The following UBLCP1 variants were observed in gnomAD, a reference collection of about 807,000 sequenced individuals.
UBLCP1 encodes the protein ubiquitin-like domain-containing CTD phosphatase 1.
In UBLCP1, 28 loss-of-function variants were observed where a neutral mutation model predicts 42.4. That is an observed-to-expected ratio of 0.66 (90% CI 0.49 to 0.90). The LOEUF is 0.90. Among genes scored for constraint, UBLCP1 ranks in the 40% least tolerant of loss-of-function variants. The pLI is 0.00. For synonymous variants in UBLCP1, 122 were observed against 120.8 expected (o/e 1.01, Z -0.07); for missense variants, 279 against 374.5 (o/e 0.75, Z 2.10).
intron 8 of UBLCP1, among the ~76,000 whole-genome samples, chr5:159,277,279 G>A (rs1257712873): frequency 6.6e-6 from 1 of 151,762 alleles, no homozygotes; most frequent in African/African-American, 2.4e-5. Context: ...AACATTTTTT[G>A]TAATAGGCAA....
chr5:159,268,834 C>A lies in UBLCP1; in HGVS notation c.-46-36C>A, dbSNP rs140117226. ...AAAGTTTGGCTTCAATAAACAGTAT[C>A]TATTTTAACTTGTTCATTTTTGTCT... is the stretch of plus-strand genomic sequence containing the variant. On this transcript the variant is annotated intron_variant, in intron 1 of 10. Transcript: ENST00000296786. The A allele has an allele frequency of 1.1e-3, 1,551 of 1,451,852 alleles. 15 individuals carry two copies. In the African/African-American group the frequency reaches 0.019, roughly 18 times the overall value. The allele number at this position is 1,451,852 out of a possible 1,614,324, so 89.9% of individuals were successfully genotyped here.
At chr5:159,264,984 T>C (rs1584736195) in intron 1 of UBLCP1, among the ~76,000 whole-genome samples, 1 of 152,226 alleles carries the variant, frequency 6.6e-6, no homozygotes, top group Non-Finnish European at 1.5e-5. Flanking sequence ...ATATTTAAAC[T>C]GTATTTCAGT....
At chr5:159,272,173 A>G in intron 6 of UBLCP1, 52 bp downstream of exon 6, 1 of 1,401,706 alleles carries the variant, frequency 7.1e-7, no homozygotes, top group Non-Finnish European at 1.0e-6. Flanking sequence ...TGTTCCATAT[A>G]TTATTGTGCT....
intron 2 of UBLCP1, 138 bp downstream of exon 2, chr5:159,269,207 C>A: frequency 1.7e-6 from 1 of 590,450 alleles, no homozygotes; most frequent in Non-Finnish European, 2.6e-6. Flanking sequence ...CGAGATTTCT[C>A]TGGTAGAAAT....
chr5:159,284,225 G>A (rs1224634509), intron 10 of UBLCP1, among the ~76,000 whole-genome samples: 1 of 152,160 alleles, frequency 6.6e-6, no homozygotes, highest in African/African-American at 2.4e-5. Flanking sequence ...ACTTAGTGCA[G>A]TGCCACAAAG....
At chr5:159,271,923 A>G (rs1474608465) in intron 5 of UBLCP1, 100 bp from the exon 6 acceptor site, 1 of 769,954 alleles carries the variant, frequency 1.3e-6, no homozygotes, top group East Asian at 2.7e-5. Flanking sequence ...TGAAATGTTT[A>G]TGTTTGCATT....
chr5:159,270,558 A>G lies in UBLCP1; in HGVS notation c.363A>G (p.Arg121=), dbSNP rs1255457376. The change falls in exon 5 of 11, where the codon AGA becomes AGG. Residue 121 remains arginine (R), a synonymous_variant. Transcript: ENST00000296786. ...REENLLKISR[R]VKEYKVEILN... The stretch of plus-strand genomic sequence containing the variant: ...AAAACCTACTGAAAATTTCTCGCAG[A>G]GTGAAAGAGTACAAAGTGGAAATTT... 6.2e-7 allele frequency: 1 copy of G among 1,611,254 alleles called. No homozygotes were observed. The highest frequency in any genetic ancestry group is 2.2e-5 in the East Asian group (1 of 44,752).
Position 159,270,451 on chromosome 5 carries a change from T to A in UBLCP1, c.332+6T>A. 1 of 1,612,120 alleles carries A rather than the reference T, an allele frequency of 6.2e-7. No individual in the cohort carries two copies. The highest frequency in any genetic ancestry group is 8.5e-7 in the Non-Finnish European group (1 of 1,178,566). Reference sequence around the variant, plus strand: ...GTAGTTGAAGTAGAAAATAGGTAAGTGCTTTTCGCTTTAGAAGTAATCAGT... The same window carrying A: ...GTAGTTGAAGTAGAAAATAGGTAAGAGCTTTTCGCTTTAGAAGTAATCAGT... On this transcript the variant is annotated splice_donor_region_variant and intron_variant, in intron 4 of 10. Transcript: ENST00000296786.
chr5:159,285,196 CCACACACACACACA>C lies in UBLCP1; in HGVS notation c.*300_*313del, dbSNP rs70987962. ...GGTTACTGACCACCCCACCCTCCCA[CCACACACACACACA>C]CACACACACACACACACACACACAC... On this transcript the variant is annotated 3_prime_UTR_variant, in exon 11 of 11. Coordinates refer to ENST00000296786, the MANE Select transcript of UBLCP1 (RefSeq NM_145049.5). 5.5e-3 allele frequency: 1,398 copies of C among 251,914 alleles called. 14 individuals are homozygous for C. The highest frequency in any genetic ancestry group is 0.028 in the African/African-American group (846 of 30,738). 15.6% of individuals were successfully genotyped at this position (251,914 alleles called of 1,614,324 possible).
At chr5:159,277,195 T>C (rs889020502) in intron 8 of UBLCP1, among the ~76,000 whole-genome samples, 5 of 152,030 alleles carry the variant, frequency 3.3e-5, no homozygotes, top group African/African-American at 1.2e-4. Flanking sequence ...GCGGTTTCTA[T>C]TTCGGTAGTA....
chr5:159,281,238 G>A (rs1753602102), intron 9 of UBLCP1, among the ~76,000 whole-genome samples: 1 of 152,186 alleles, frequency 6.6e-6, no homozygotes. Context: ...GTAATTTCCT[G>A]CTGTTTAAAT....
rs1253551658 is a variant in UBLCP1 at position 159,275,222 on chromosome 5, T to C, written c.660T>C (p.His220=). 1.2e-6 allele frequency: 2 copies of C among 1,612,796 alleles called. No individual in the cohort carries two copies. The highest frequency in any genetic ancestry group is 2.7e-5 in the African/African-American group (2 of 74,888). Residue 220 remains histidine (H), a synonymous_variant, in exon 8 of 11, where the codon CAT becomes CAC. Transcript: ENST00000296786. ...MLDSAAMITV[H]TPRRGLIDVK... ...ATAGTGCTGCTATGATAACAGTACA[T>C]ACTCCAAGGAGAGGATTAATAGACG...
At chr5:159,265,406 A>G (rs1238203087) in intron 1 of UBLCP1, among the ~76,000 whole-genome samples, 1 of 152,244 alleles carries the variant, frequency 6.6e-6, no homozygotes, top group African/African-American at 2.4e-5. Context: ...GAGTTTAATG[A>G]AAAATAGAAA....
chr5:159,272,486 TCAAG>T lies in UBLCP1; in HGVS notation c.547+366_547+369del, dbSNP rs781534560. Among the ~76,000 whole-genome samples the T allele has an allele frequency of 1.1e-4, 16 of 152,144 alleles. No individual in the cohort carries two copies. The South Asian group carries it at 1.5e-3, about 14-fold the overall frequency. On this transcript the variant is annotated intron_variant, in intron 6 of 10. Transcript: ENST00000296786. ...CCAGACTGGTTTTGAACTCCTGGGCTCAAGTGATCCTCCTGCCTTGGCCTCCCAA... is the reference window on the plus strand; with the variant it reads ...CCAGACTGGTTTTGAACTCCTGGGCTTGATCCTCCTGCCTTGGCCTCCCAA...
chr5:159,267,705 G>C (rs1040184169), intron 1 of UBLCP1, among the ~76,000 whole-genome samples: 2 of 152,294 alleles, frequency 1.3e-5, no homozygotes, highest in East Asian at 1.9e-4. Flanking sequence ...TTGAATCTTG[G>C]GGGGTGGTCT....
chr5:159,283,340 G>T lies in UBLCP1; in HGVS notation c.929+1G>T. 6.3e-7 allele frequency: 1 copy of T among 1,575,098 alleles called. No individual in the cohort carries two copies. The highest frequency in any genetic ancestry group is 8.6e-7 in the Non-Finnish European group (1 of 1,165,392). ...ATCTAAATCACAAATATTGGGAAAG[G>T]TAAGTTTTAATTGCTTATTTATTTT... On this transcript the variant is annotated splice_donor_variant, in intron 10 of 10. Coordinates refer to ENST00000296786, the MANE Select transcript of UBLCP1 (RefSeq NM_145049.5). LOFTEE classifies it high-confidence loss of function.
intron 6 of UBLCP1, among the ~76,000 whole-genome samples, chr5:159,273,003 C>A (rs1753489746): frequency 6.6e-6 from 1 of 152,172 alleles, no homozygotes; most frequent in Non-Finnish European, 1.5e-5. Flanking sequence ...GAAGTCCCAT[C>A]AAGTAAAGGT....
rs1378813799 is a variant in UBLCP1 at position 159,285,164 on chromosome 5, C to CA, written c.*234dup. The CA allele has an allele frequency of 1.2e-5, 5 of 426,828 alleles. No homozygotes were observed. Among genetic ancestry groups the CA allele is most frequent in the Non-Finnish European group, 2.2e-5 (5 of 232,336 alleles). 26.4% of individuals were successfully genotyped at this position (426,828 alleles called of 1,614,324 possible). A position where few individuals can be genotyped will look rare whatever the true frequency, so the allele number is the denominator to read the frequency against. On this transcript the variant is annotated 3_prime_UTR_variant, in exon 11 of 11. Transcript: ENST00000296786. The stretch of plus-strand genomic sequence containing the variant: ...TGTTACGCTTGAAAAATATTTTCTC[C>CA]AGCGTTGGTTACTGACCACCCCACC...
chr5:159,279,297 C>G (rs897992903), intron 9 of UBLCP1, among the ~76,000 whole-genome samples: 1 of 152,188 alleles, frequency 6.6e-6, no homozygotes, highest in Non-Finnish European at 1.5e-5. Context: ...TGCATGCAGT[C>G]TTATGTGACA....
Sources: gnomAD v4.1 joint callset for allele counts (sites outside exome capture counted in the v4.1 genomes callset) on GRCh38, gnomAD v4.1.1 for gene constraint, MANE v1.5 for transcripts, NCBI Gene and HGNC (gene_info 2026-07-23, HGNC 2026-07-21) for gene names.